Variants in SATB2 observed in about 807,000 individuals in gnomAD.
The protein encoded by SATB2 is SATB homeobox 2.
SATB2 carries 1 observed loss-of-function variant against 73.4 expected under a neutral mutation model. The ratio of observed to expected loss-of-function variants is 0.01; its 90% confidence interval spans 0.00 to 0.06. The LOEUF (loss-of-function observed/expected upper bound fraction) is 0.06. Ranked by LOEUF, SATB2 falls within the 10% of genes least tolerant of loss-of-function variation. The pLI, the probability that SATB2 is intolerant of heterozygous loss-of-function variation, is 1.00. For synonymous variants in SATB2, 397 were observed against 367.0 expected, an observed-to-expected ratio of 1.08 and a Z score of -0.93; for missense variants, 459 against 945.8, an observed-to-expected ratio of 0.49 and a Z score of 6.75.
chr2:199,341,683 C>T (rs1459743540), intron 7 of SATB2, among the ~76,000 whole-genome samples: 2 of 152,140 alleles, frequency 1.3e-5, no homozygotes, highest in Non-Finnish European at 2.9e-5. Context: ...ATACTAGTTC[C>T]ATAACAACAT....
chr2:199,406,958 T>A (rs1355123231), intron 3 of SATB2, among the ~76,000 whole-genome samples: 1 of 152,164 alleles, frequency 6.6e-6, no homozygotes. Flanking sequence ...ATCATTAAAA[T>A]AATATCTCAA....
In SATB2 at chr2:199,355,353, TA is replaced by T; in HGVS notation, c.701-6181del. 3.1e-4 allele frequency among the ~76,000 whole-genome samples: 6 copies of T among 19,222 alleles called. 1 individual carries two copies. In the East Asian group the frequency reaches 4.1e-3, roughly 13 times the overall value. The allele number at this position is 19,222 out of a possible 152,430, so 12.6% of individuals were successfully genotyped here. ...GTGTGTGTGTGTGTGTGTATCTATA[TA>T]TATATATATATATATATATATAGTC... On this transcript the variant is annotated intron_variant, in intron 6 of 10. Coordinates refer to ENST00000417098, the MANE Select transcript of SATB2 (RefSeq NM_001172509.2).
chr2:199,466,648 T>G (rs1464841691), upstream of SATB2, among the ~76,000 whole-genome samples: 1 of 152,228 alleles, frequency 6.6e-6, no homozygotes, highest in Non-Finnish European at 1.5e-5. Context: ...TCCGGCTCCC[T>G]GCTTTTCCAC....
chr2:199,414,074 T>G (rs1690902023), intron 3 of SATB2, among the ~76,000 whole-genome samples: 1 of 152,146 alleles, frequency 6.6e-6, no homozygotes, highest in Non-Finnish European at 1.5e-5. Flanking sequence ...AAATAAAACA[T>G]TAACTTTTTA....
intron 2 of SATB2, among the ~76,000 whole-genome samples, chr2:199,444,214 T>C (rs1691901265): frequency 6.6e-6 from 1 of 152,086 alleles, no homozygotes; most frequent in South Asian, 2.1e-4. Flanking sequence ...ATAAATCTCT[T>C]GGAAACCTTA....
intron 9 of SATB2, among the ~76,000 whole-genome samples, chr2:199,310,943 T>C (rs1687577984): frequency 6.6e-6 from 1 of 152,224 alleles, no homozygotes; most frequent in Non-Finnish European, 1.5e-5. Context: ...GCATTTGATT[T>C]ATATGCGCTG....
chr2:199,406,486 G>A (rs950601869), intron 3 of SATB2, among the ~76,000 whole-genome samples: 15 of 152,054 alleles, frequency 9.9e-5, no homozygotes, highest in South Asian at 2.1e-4. Context: ...CATTTTCCAC[G>A]GATAATCTAT....
rs1240250915 is a variant in SATB2, at chr2:199,270,282, T to A, written c.*1929A>T. ...TCCCTTTAAAAACTCCAGAGGTTAC[T>A]GAGCAGCTAGAATTAGCTTGTATTG... On this transcript the variant is annotated 3_prime_UTR_variant, in exon 11 of 11. Coordinates refer to ENST00000417098, the MANE Select transcript of SATB2 (RefSeq NM_001172509.2). The A allele has an allele frequency of 2.6e-5, 4 of 152,754 alleles. No homozygotes were observed. The highest frequency in any genetic ancestry group is 4.4e-5 in the Non-Finnish European group (3 of 68,028). The allele number at this position is 152,754 out of a possible 1,614,324, so 9.5% of individuals were successfully genotyped here.
At chr2:199,431,269 A>C (rs1351127033) in intron 3 of SATB2, among the ~76,000 whole-genome samples, 1 of 152,360 alleles carries the variant, frequency 6.6e-6, no homozygotes, top group East Asian at 1.9e-4. Context: ...ATAAACACGC[A>C]GCAAACAGCA....
intron 3 of SATB2, among the ~76,000 whole-genome samples, chr2:199,411,808 CA>C (rs1690828314): frequency 6.6e-6 from 1 of 152,126 alleles, no homozygotes; most frequent in Non-Finnish European, 1.5e-5. Context: ...ACTGTGTTAA[CA>C]ACTGTTACAA....
At chr2:199,419,079 T>C (rs781671043) in intron 3 of SATB2, among the ~76,000 whole-genome samples, 2 of 152,164 alleles carry the variant, frequency 1.3e-5, no homozygotes, top group Non-Finnish European at 2.9e-5. Context: ...TCACCAGTAC[T>C]ACAAACAGAA....
At chr2:199,283,315 C>A (rs1692586960) in intron 10 of SATB2, among the ~76,000 whole-genome samples, 1 of 147,512 alleles carries the variant, frequency 6.8e-6, no homozygotes, top group Non-Finnish European at 1.5e-5. Context: ...CGGTCTCTAT[C>A]TCCTGACCTT....
upstream of SATB2, among the ~76,000 whole-genome samples, chr2:199,466,241 G>A (rs1692590680): frequency 6.6e-6 from 1 of 152,154 alleles, no homozygotes; most frequent in Non-Finnish European, 1.5e-5. Context: ...CAACAGCTGG[G>A]GCACTGGAGC....
At position 199,306,283 on chromosome 2, in the gene SATB2, C is replaced by A. The variant is rs545612130; in HGVS notation, c.1740+2477G>T. Among the ~76,000 whole-genome samples, 8 of 152,244 alleles carry A rather than the reference C, an allele frequency of 5.3e-5. No individual in the cohort carries two copies. In the South Asian group the frequency reaches 1.7e-3, roughly 32 times the overall value. On this transcript the variant is annotated intron_variant, in intron 10 of 10. Coordinates refer to ENST00000417098, the MANE Select transcript of SATB2 (RefSeq NM_001172509.2). ...TCATATTATGACTGTAATAAACAAT[C>A]CACAGCTTTGTATTTTGCTGACAGA...
intron 10 of SATB2, among the ~76,000 whole-genome samples, chr2:199,289,089 A>T (rs114735187): frequency 1.5e-3 from 231 of 150,480 alleles, no homozygotes; most frequent in African/African-American, 5.5e-3. Flanking sequence ...GAAACTTCCC[A>T]AAAGTTTGGG....
At chr2:199,277,609 T>C (rs1425220228) in intron 10 of SATB2, among the ~76,000 whole-genome samples, 1 of 152,178 alleles carries the variant, frequency 6.6e-6, no homozygotes, top group Non-Finnish European at 1.5e-5. Context: ...ATGGTTTATT[T>C]AAAAGCCTTT....
In SATB2 at chr2:199,455,487, T is replaced by C. The variant is rs368867486; in HGVS notation, c.169+382A>G. 1.1e-4 allele frequency among the ~76,000 whole-genome samples: 17 copies of C among 152,352 alleles called. No homozygotes were observed. In the East Asian group the frequency reaches 2.5e-3, roughly 22 times the overall value. ...GTACTCGCCTGAGCATTAATGACTA[T>C]TTTATTCCCTAAAAGCGAACGCACG... On this transcript the variant is annotated intron_variant, in intron 2 of 10. Coordinates refer to ENST00000417098, the MANE Select transcript of SATB2 (RefSeq NM_001172509.2). This position sits in a 1 kb window ranked among gnomAD's most constrained non-coding sequence, Gnocchi z 4.1.
At chr2:199,412,725 AAAAAAAC>A (rs548705901) in intron 3 of SATB2, among the ~76,000 whole-genome samples, 409 of 152,278 alleles carry the variant, frequency 2.7e-3, no homozygotes, top group African/African-American at 7.5e-3. Flanking sequence ...ATCAGGTAAA[AAAAAAAC>A]AAAAAACAAA....
rs1691377709 is a variant in SATB2 at position 199,427,690 on chromosome 2, A to G, written c.346+5648T>C. ...ATTGTTGATCCTAGATGAGGAGTTCATGAATATTTAATACACAAGTCTCTC... is the reference window on the plus strand; with the variant it reads ...ATTGTTGATCCTAGATGAGGAGTTCGTGAATATTTAATACACAAGTCTCTC... On this transcript the variant is annotated intron_variant, in intron 3 of 10. Coordinates refer to ENST00000417098, the MANE Select transcript of SATB2 (RefSeq NM_001172509.2). Among the ~76,000 whole-genome samples, 2 of 152,146 alleles carry G rather than the reference A, an allele frequency of 1.3e-5. 1 individual carries two copies. Among genetic ancestry groups the G allele is most frequent in the Non-Finnish European group, 2.9e-5 (2 of 68,014 alleles).
Sources: allele counts gnomAD v4.1 joint callset (sites outside exome capture counted in the v4.1 genomes callset), GRCh38; gene constraint gnomAD v4.1.1; non-coding constraint Gnocchi (gnomAD v3.1); transcripts MANE v1.5; gene names NCBI Gene and HGNC (gene_info 2026-07-23, HGNC 2026-07-21).